The following VWF variants were observed in gnomAD, a reference collection of about 807,000 sequenced individuals.
VWF encodes Factor VIII related antigen.
A neutral mutation model predicts 308.6 loss-of-function variants in VWF; 176 were observed. The ratio of observed to expected loss-of-function variants is 0.57; its 90% CI spans 0.50 to 0.65. VWF has a LOEUF of 0.65. Ranked by LOEUF, VWF falls within the 30% of genes least tolerant of loss-of-function variation. VWF has a pLI of 0.00. For missense variants in VWF, 3,146 were observed against 3,648.2 expected, an observed-to-expected ratio of 0.86 and a Z score of 3.55; for synonymous variants, 1,385 against 1,443.4, an observed-to-expected ratio of 0.96 and a Z score of 0.92.
In VWF at chr12:6,019,176, C is replaced by T; in HGVS notation, c.4242G>A (p.Val1414=). Residue 1414 remains valine, a synonymous_variant, in exon 28 of 52, where the codon GTG becomes GTA. Transcript: ENST00000261405. This position sits in a 1 kb window ranked among gnomAD's most constrained non-coding sequence, Gnocchi z 5.8. ...LKKKKVIVIP[V]GIGPHANLKQ... ...TGAGGTTGGCATGGGGCCCAATGCCCACCGGGATCACAATGACCTTCTTCT... is the reference window on the plus strand; with the variant it reads ...TGAGGTTGGCATGGGGCCCAATGCCTACCGGGATCACAATGACCTTCTTCT... 6.2e-7 allele frequency: 1 copy of T among 1,613,932 alleles called. No homozygotes were observed. The highest frequency in any genetic ancestry group is 8.5e-7 in the Non-Finnish European group (1 of 1,179,860).
At chr12:6,014,311 A>G (rs994403222) in intron 31 of VWF, among the ~76,000 whole-genome samples, 4 of 152,162 alleles carry the variant, frequency 2.6e-5, no homozygotes, top group African/African-American at 9.7e-5. Flanking sequence ...AAGACTACAG[A>G]GCAGAGGGAC....
intron 14 of VWF, 67 bp downstream of exon 14, chr12:6,057,782 C>T (rs1011269682): frequency 4.0e-6 from 6 of 1,499,498 alleles, no homozygotes; most frequent in Middle Eastern, 5.0e-4. Flanking sequence ...GCCTCCGGAA[C>T]GCACTGCACT....
chr12:6,118,456 C>T (rs763633828), intron 3 of VWF, among the ~76,000 whole-genome samples: 6 of 140,906 alleles, frequency 4.3e-5, no homozygotes, highest in Non-Finnish European at 7.6e-5. Flanking sequence ...GGCGCAATCT[C>T]GGCTCACAGC....
At chr12:6,110,343 T>A (rs1309522314) in intron 5 of VWF, 31 bp downstream of exon 5, 1 of 1,610,158 alleles carries the variant, frequency 6.2e-7, no homozygotes, top group Admixed American at 1.7e-5. Flanking sequence ...ATGGCCACAC[T>A]TTAGGGAAAT....
rs186970767 is a variant in VWF, at chr12:5,998,822, G to A, written c.5843-2600C>T. On this transcript the variant is annotated intron_variant, in intron 34 of 51. Transcript: ENST00000261405. Reference sequence around the variant, plus strand: ...GGCTCACTGCAACCTCCGCCTCCCCGGGTTCAGGCGATTCTCCTGCCTCAG... The same window carrying A: ...GGCTCACTGCAACCTCCGCCTCCCCAGGTTCAGGCGATTCTCCTGCCTCAG... Among the ~76,000 whole-genome samples, 198 of 152,074 alleles carry A rather than the reference G, an allele frequency of 1.3e-3. 3 individuals are homozygous for A. The highest frequency in any genetic ancestry group is 4.4e-3 in the African/African-American group (182 of 41,484).
intron 43 of VWF, 123 bp downstream of exon 43, chr12:5,975,988 C>A (rs1208825242): frequency 1.4e-6 from 2 of 1,412,506 alleles, no homozygotes; most frequent in African/African-American, 2.8e-5. Context: ...TGCACTCCAG[C>A]CTGGGCGACA....
chr12:6,100,723 C>T (rs1420494748), intron 5 of VWF, among the ~76,000 whole-genome samples: 1 of 152,134 alleles, frequency 6.6e-6, no homozygotes, highest in Non-Finnish European at 1.5e-5. Context: ...AGGGGAACAT[C>T]ACACTCTGGG....
chr12:6,056,821 G>A, intron 15 of VWF, 36 bp downstream of exon 15: 2 of 1,344,252 alleles, frequency 1.5e-6, no homozygotes, highest in South Asian at 1.9e-5. Context: ...GATTTGGGGG[G>A]CGGCCCGGAG....
intron 38 of VWF, among the ~76,000 whole-genome samples, chr12:5,990,771 G>A (rs544065909): frequency 6.7e-6 from 1 of 149,174 alleles, no homozygotes; most frequent in East Asian, 2.0e-4. Context: ...AAATATACAC[G>A]GGGTCAACTT....
At chr12:5,973,702 C>G (rs1211057000) in intron 43 of VWF, among the ~76,000 whole-genome samples, 1 of 152,216 alleles carries the variant, frequency 6.6e-6, no homozygotes, top group Non-Finnish European at 1.5e-5. Context: ...CTGAGAAGAA[C>G]AGCCCTCCCT....
At chr12:6,033,138 T>C (rs1468421382) in intron 20 of VWF, among the ~76,000 whole-genome samples, 1 of 152,232 alleles carries the variant, frequency 6.6e-6, no homozygotes, top group East Asian at 1.9e-4. Context: ...TCAGGTTAAA[T>C]GGCTTTGTGT....
chr12:6,087,888 C>T (rs1218886433), intron 6 of VWF, among the ~76,000 whole-genome samples: 1 of 152,128 alleles, frequency 6.6e-6, no homozygotes, highest in Non-Finnish European at 1.5e-5. Context: ...ATTCACCACT[C>T]TACGGTAGGT....
chr12:5,978,412 A>C (rs1264160873), intron 42 of VWF, among the ~76,000 whole-genome samples: 1 of 152,126 alleles, frequency 6.6e-6, no homozygotes, highest in Non-Finnish European at 1.5e-5. Context: ...ACAGGTGCAC[A>C]CCACCACACC....
chr12:6,071,690 G>A (rs757242699), intron 9 of VWF, among the ~76,000 whole-genome samples: 5 of 152,220 alleles, frequency 3.3e-5, no homozygotes, highest in Non-Finnish European at 7.3e-5. Context: ...ATGGAAATGG[G>A]TAGCTCCCAG....
chr12:5,967,670 A>C, intron 46 of VWF, 68 bp from the exon 47 acceptor site: 3 of 1,368,244 alleles, frequency 2.2e-6, no homozygotes, highest in Non-Finnish European at 3.1e-6. Flanking sequence ...TCACTCTCAT[A>C]CCCTGTCTCC....
chr12:6,057,480 T>TTTATTTATTATTATTA (rs113015394), intron 14 of VWF, among the ~76,000 whole-genome samples: 143 of 129,558 alleles, frequency 1.1e-3, no homozygotes, highest in Non-Finnish European at 1.9e-3. Flanking sequence ...GCCCGGCAAA[T>TTTATTTATTATTATTA]TTATTATTAT....
chr12:6,053,776 G>A (rs1944545653), intron 15 of VWF, among the ~76,000 whole-genome samples: 1 of 152,168 alleles, frequency 6.6e-6, no homozygotes, highest in Non-Finnish European at 1.5e-5. Flanking sequence ...AGAATGTCTG[G>A]CATGTGGAGA....
chr12:5,982,036 G>T lies in VWF; in HGVS notation c.7082-45C>A, dbSNP rs1412877885. On this transcript the variant is annotated intron_variant, in intron 41 of 51. Coordinates refer to ENST00000261405, the MANE Select transcript of VWF (RefSeq NM_000552.5). ...ACACTGAGCACTGCGCCCAGCCAGG[G>T]CTCGTAAGTATTCAGCTATGCTATA... 4 of 1,591,438 alleles carry T rather than the reference G, an allele frequency of 2.5e-6. No homozygotes were observed. The African/African-American group carries it at 5.4e-5, about 21-fold the overall frequency.
At chr12:6,052,209 G>GA (rs1944522997) in intron 16 of VWF, among the ~76,000 whole-genome samples, 1 of 152,164 alleles carries the variant, frequency 6.6e-6, no homozygotes, top group South Asian at 2.1e-4. Flanking sequence ...AAGCAGGCTG[G>GA]AAAGGAGGGT....
Sources: gnomAD v4.1 joint callset for allele counts (sites outside exome capture counted in the v4.1 genomes callset) on GRCh38, gnomAD v4.1.1 for gene constraint, Gnocchi (gnomAD v3.1) non-coding constraint, MANE v1.5 for transcripts, NCBI Gene and HGNC (gene_info 2026-07-23, HGNC 2026-07-21) for gene names.